Variants in NPAS3 observed in about 807,000 individuals in gnomAD.
The protein encoded by NPAS3 is neuronal PAS domain protein 3.
Under a neutral mutation model 73.1 loss-of-function variants are expected in NPAS3, and 14 were observed. The observed-to-expected ratio is 0.19, with a 90% CI of 0.13 to 0.30. The LOEUF (loss-of-function observed/expected upper bound fraction) is 0.30, where lower values mean the gene tolerates loss of function less well. Ranked by LOEUF, NPAS3 falls within the 10% of genes least tolerant of loss-of-function variation. The pLI is 1.00. For synonymous variants in NPAS3, 620 were observed against 541.5 expected (o/e 1.14, Z -2.01); for missense variants, 1,096 against 1,250.0 (o/e 0.88, Z 1.86).
intron 7 of NPAS3, among the ~76,000 whole-genome samples, chr14:33,766,539 G>A (rs769817451): frequency 6.6e-6 from 1 of 152,128 alleles, no homozygotes; most frequent in Non-Finnish European, 1.5e-5. Context: ...ACTTTCACCT[G>A]CTCTCTTATC....
chr14:33,538,268 T>A (rs932262488), intron 4 of NPAS3, among the ~76,000 whole-genome samples: 5 of 152,150 alleles, frequency 3.3e-5, no homozygotes, highest in African/African-American at 1.2e-4. Flanking sequence ...TACTGGCCAC[T>A]CCCACACAAT....
At chr14:33,340,576 C>T (rs1367774029) in intron 3 of NPAS3, among the ~76,000 whole-genome samples, 1 of 152,202 alleles carries the variant, frequency 6.6e-6, no homozygotes, top group Non-Finnish European at 1.5e-5. Flanking sequence ...CCCACTACCA[C>T]TTGAATATTA....
intron 3 of NPAS3, among the ~76,000 whole-genome samples, chr14:33,307,611 G>GTGTT (rs796766924): frequency 6.6e-6 from 1 of 151,644 alleles, no homozygotes; most frequent in South Asian, 2.1e-4. Flanking sequence ...GTGTGTGTGT[G>GTGTT]TTCGTGTGCG....
intron 2 of NPAS3, among the ~76,000 whole-genome samples, chr14:33,207,420 T>C (rs1430491295): frequency 6.6e-6 from 1 of 152,150 alleles, no homozygotes; most frequent in Non-Finnish European, 1.5e-5. Flanking sequence ...TGTGAACTGA[T>C]TGATTTAATG....
chr14:33,578,274 A>C (rs1595195295), intron 5 of NPAS3: 1 of 452,982 alleles, frequency 2.2e-6, no homozygotes, highest in Non-Finnish European at 4.4e-6. Flanking sequence ...GCTCACCACA[A>C]CCTCCACCTC....
At chr14:33,655,196 A>G (rs965780134) in intron 5 of NPAS3, among the ~76,000 whole-genome samples, 24 of 152,132 alleles carry the variant, frequency 1.6e-4, no homozygotes, top group Non-Finnish European at 3.5e-4. Context: ...TGAGACTAGA[A>G]CCCAGTTCTC....
intron 6 of NPAS3, among the ~76,000 whole-genome samples, chr14:33,696,933 A>C (rs1315698214): frequency 1.3e-5 from 2 of 152,180 alleles, no homozygotes; most frequent in Non-Finnish European, 2.9e-5. Context: ...TGGAATACCA[A>C]GTTACTGCCC....
intron 1 of NPAS3, among the ~76,000 whole-genome samples, chr14:32,949,732 GTTAAAAA>G (rs993368053): frequency 6.6e-6 from 1 of 151,466 alleles, no homozygotes; most frequent in African/African-American, 2.4e-5. Context: ...ATTTTTTTCT[GTTAAAAA>G]GAAAAAAGAA....
intron 1 of NPAS3, among the ~76,000 whole-genome samples, chr14:32,957,852 A>G (rs556344051): frequency 9.2e-5 from 14 of 152,336 alleles, no homozygotes; most frequent in South Asian, 4.1e-4. Context: ...GTAAAATCAC[A>G]GTAAGCATTA....
chr14:33,529,429 A>T (rs2053944510), intron 4 of NPAS3, among the ~76,000 whole-genome samples: 1 of 152,086 alleles, frequency 6.6e-6, no homozygotes, highest in Non-Finnish European at 1.5e-5. Flanking sequence ...GAAGCTTTGC[A>T]GGCTAGTCTG....
intron 4 of NPAS3, among the ~76,000 whole-genome samples, chr14:33,413,995 C>T (rs1032179194): frequency 2.0e-5 from 3 of 152,074 alleles, no homozygotes; most frequent in African/African-American, 4.8e-5. Flanking sequence ...ATGAGCCTTC[C>T]TCTTTTGATG....
chr14:33,379,049 A>G (rs2046426615), intron 4 of NPAS3, among the ~76,000 whole-genome samples: 1 of 152,190 alleles, frequency 6.6e-6, no homozygotes, highest in Non-Finnish European at 1.5e-5. Flanking sequence ...AATAAAGTCA[A>G]AACTTTTTGT....
At chr14:33,218,885 T>C (rs554390522) in intron 3 of NPAS3, among the ~76,000 whole-genome samples, 1 of 152,190 alleles carries the variant, frequency 6.6e-6, no homozygotes, top group South Asian at 2.1e-4. Context: ...TGTTTTGTGA[T>C]TCCCATTGTA....
At chr14:33,497,786 G>A (rs1394087317) in intron 4 of NPAS3, among the ~76,000 whole-genome samples, 1 of 152,044 alleles carries the variant, frequency 6.6e-6, no homozygotes, top group African/African-American at 2.4e-5. Flanking sequence ...ACATAGGCAT[G>A]GGCAGACTTC....
chr14:33,644,565 T>A (rs1004146477), intron 5 of NPAS3, among the ~76,000 whole-genome samples: 20 of 152,038 alleles, frequency 1.3e-4, no homozygotes, highest in Admixed American at 1.3e-3. Context: ...TTGAGGTAGG[T>A]TTAGGAGAGG....
At chr14:33,688,283 T>A (rs1026861098) in intron 6 of NPAS3, among the ~76,000 whole-genome samples, 2 of 152,214 alleles carry the variant, frequency 1.3e-5, no homozygotes, top group Non-Finnish European at 2.9e-5. Flanking sequence ...GTGTTCTCAC[T>A]GGAAATTGAC....
At chr14:33,630,794 A>G (rs1238844297) in intron 5 of NPAS3, among the ~76,000 whole-genome samples, 1 of 152,212 alleles carries the variant, frequency 6.6e-6, no homozygotes, top group Non-Finnish European at 1.5e-5. Context: ...GCTTTCTCCC[A>G]AACAGTATAT....
At chr14:33,391,519 C>T (rs992988997) in intron 4 of NPAS3, among the ~76,000 whole-genome samples, 4 of 152,084 alleles carry the variant, frequency 2.6e-5, no homozygotes, top group Admixed American at 6.6e-5. Context: ...TCACTACCAA[C>T]GTTACTGATT....
chr14:33,737,164 A>C (rs1045509447), intron 7 of NPAS3, among the ~76,000 whole-genome samples: 1 of 152,214 alleles, frequency 6.6e-6, no homozygotes, highest in Non-Finnish European at 1.5e-5. Flanking sequence ...ACTGCTATGC[A>C]GATAGCAAAG....
Sources: allele counts gnomAD v4.1 joint callset (sites outside exome capture counted in the v4.1 genomes callset), GRCh38; gene constraint gnomAD v4.1.1; transcripts MANE v1.5; gene names NCBI Gene and HGNC (gene_info 2026-07-23, HGNC 2026-07-21).